The following NNMT variants were observed in gnomAD, a reference collection of about 807,000 sequenced individuals.
NNMT encodes the protein nicotinamide N-methyltransferase.
Under a neutral mutation model 11.7 loss-of-function variants are expected in NNMT, and 10 were observed. That is an observed-to-expected ratio of 0.85 (90% confidence interval 0.53 to 1.45). The LOEUF is 1.45. NNMT is among the 40% of genes most tolerant of loss of function. NNMT has a pLI of 0.00. For missense variants in NNMT, 381 were observed against 319.4 expected (o/e 1.19, Z -1.47); for synonymous variants, 143 against 133.8 (o/e 1.07, Z -0.48).
chr11:114,258,426 G>A (rs1246874253), intron 1 of NNMT, among the ~76,000 whole-genome samples: 1 of 152,214 alleles, frequency 6.6e-6, no homozygotes, highest in African/African-American at 2.4e-5. Flanking sequence ...TGCAGCCCGT[G>A]AGAAGAGGCA....
chr11:114,298,122 C>T lies in NNMT; in HGVS notation c.326C>T (p.Pro109Leu). The change falls in exon 2 of 3, where the codon CCA becomes CTA. Residue 109 changes from proline (P) to leucine (L), a missense_variant. By Grantham distance (98) the Pro-to-Leu change is moderately conservative. Transcript: ENST00000299964. ...KKEPEAFDWS[P>L]VVTYVCDLEG... ...GAGCCAGAGGCCTTTGACTGGTCCCCAGTGGTGACCTATGTGTGTGATCTT... is the reference window on the plus strand; with the variant it reads ...GAGCCAGAGGCCTTTGACTGGTCCCTAGTGGTGACCTATGTGTGTGATCTT... 6.2e-7 allele frequency: 1 copy of T among 1,614,126 alleles called. No homozygotes were observed. The highest frequency in any genetic ancestry group is 8.5e-7 in the Non-Finnish European group (1 of 1,180,018).
chr11:114,309,852 A>T (rs944676973), intron 2 of NNMT, among the ~76,000 whole-genome samples: 3 of 152,196 alleles, frequency 2.0e-5, no homozygotes, highest in Non-Finnish European at 4.4e-5. Context: ...CCTTTTCTGG[A>T]CATTTCATAT....
At chr11:114,299,224 T>G (rs1247514975) in intron 2 of NNMT, among the ~76,000 whole-genome samples, 2 of 152,252 alleles carry the variant, frequency 1.3e-5, no homozygotes, top group African/African-American at 4.8e-5. Context: ...ATAAAAAATG[T>G]TCAATGATTT....
chr11:114,292,293 A>T (rs921871292), upstream of NNMT, among the ~76,000 whole-genome samples: 9 of 152,226 alleles, frequency 5.9e-5, no homozygotes, highest in African/African-American at 1.9e-4. Flanking sequence ...AGTTAGCCAG[A>T]CATATTACTG....
At chr11:114,299,461 A>G (rs991786859) in intron 2 of NNMT, among the ~76,000 whole-genome samples, 1 of 152,234 alleles carries the variant, frequency 6.6e-6, no homozygotes, top group Non-Finnish European at 1.5e-5. Context: ...GTCATGAAGT[A>G]TAATTGAGCT....
chr11:114,259,288 C>A (rs1222301135), intron 1 of NNMT, among the ~76,000 whole-genome samples: 1 of 150,240 alleles, frequency 6.7e-6, no homozygotes, highest in Non-Finnish European at 1.5e-5. Context: ...GAAGGAGGAA[C>A]ATCACATGCC....
intron 2 of NNMT, among the ~76,000 whole-genome samples, chr11:114,273,012 C>T (rs577888887): frequency 2.2e-4 from 33 of 152,268 alleles, no homozygotes; most frequent in African/African-American, 7.2e-4. Context: ...GTTCAATAGC[C>T]TGTGTTTCTG....
At chr11:114,288,284 T>G (rs1945312481) in intron 2 of NNMT, among the ~76,000 whole-genome samples, 1 of 152,200 alleles carries the variant, frequency 6.6e-6, no homozygotes, top group Non-Finnish European at 1.5e-5. Flanking sequence ...TTGTCTCTGT[T>G]CAACTTGAAA....
At chr11:114,304,734 GGGGAGGCTGA>G (rs1945473173) in intron 2 of NNMT, among the ~76,000 whole-genome samples, 1 of 152,116 alleles carries the variant, frequency 6.6e-6, no homozygotes, top group African/African-American at 2.4e-5. Flanking sequence ...CCCAGCTACT[GGGGAGGCTGA>G]GGAGAGAGGA....
At chr11:114,268,116 C>T (rs1001436498) in intron 2 of NNMT, among the ~76,000 whole-genome samples, 2 of 152,208 alleles carry the variant, frequency 1.3e-5, no homozygotes, top group Admixed American at 6.5e-5. Context: ...TCTGAAGAGA[C>T]CTTATGGAGC....
chr11:114,306,437 G>A (rs561201864), intron 2 of NNMT, among the ~76,000 whole-genome samples: 1 of 152,182 alleles, frequency 6.6e-6, no homozygotes, highest in Non-Finnish European at 1.5e-5. Context: ...CCTATGGCCT[G>A]AATGGTATTC....
chr11:114,283,021 G>A (rs1945272985), intron 2 of NNMT, among the ~76,000 whole-genome samples: 1 of 152,174 alleles, frequency 6.6e-6, no homozygotes, highest in East Asian at 1.9e-4. Context: ...AAAATTGATG[G>A]TAGGGATGGG....
intron 2 of NNMT, among the ~76,000 whole-genome samples, chr11:114,307,343 C>G (rs1194678673): frequency 6.6e-6 from 1 of 152,134 alleles, no homozygotes; most frequent in Non-Finnish European, 1.5e-5. Flanking sequence ...ACCTGGAAGT[C>G]AATTTGTCCT....
intron 2 of NNMT, among the ~76,000 whole-genome samples, chr11:114,272,491 C>A (rs924678539): frequency 6.6e-6 from 1 of 152,186 alleles, no homozygotes; most frequent in Admixed American, 6.5e-5. Context: ...GTGTGTGGAA[C>A]TGCCCTAAGG....
Position 114,276,994 on chromosome 11 carries a change from C to T in NNMT, c.-130+14060C>T, listed in dbSNP as rs1386197534. Among the ~76,000 whole-genome samples, 8 of 152,262 alleles carry T rather than the reference C, an allele frequency of 5.3e-5. No homozygotes were observed. In the East Asian group the frequency reaches 5.8e-4, roughly 11 times the overall value. On this transcript the variant is annotated intron_variant, in intron 2 of 4. Transcript: ENST00000535401. Reference sequence around the variant, plus strand: ...ATCCCAACACTTTGAGAGGCTGAGGCGGGTGGATCACCTGAGATCAAGAGT... The same window carrying T: ...ATCCCAACACTTTGAGAGGCTGAGGTGGGTGGATCACCTGAGATCAAGAGT...
At chr11:114,289,647 G>A (rs184125601) in intron 2 of NNMT, among the ~76,000 whole-genome samples, 21 of 152,252 alleles carry the variant, frequency 1.4e-4, no homozygotes, top group Non-Finnish European at 2.6e-4. Flanking sequence ...AAACAAATAA[G>A]GGTGTTTTAG....
chr11:114,299,368 T>C (rs1416544179), intron 2 of NNMT, among the ~76,000 whole-genome samples: 1 of 152,246 alleles, frequency 6.6e-6, no homozygotes, highest in African/African-American at 2.4e-5. Context: ...TAAGATGGTC[T>C]TATGATTTTC....
At chr11:114,277,121 G>A (rs1945219243) in intron 2 of NNMT, among the ~76,000 whole-genome samples, 1 of 152,168 alleles carries the variant, frequency 6.6e-6, no homozygotes, top group Admixed American at 6.5e-5. Context: ...TACTCGGGAG[G>A]CTGAAGCAGG....
upstream of NNMT, among the ~76,000 whole-genome samples, chr11:114,295,047 C>T (rs547113193): frequency 6.6e-6 from 1 of 152,280 alleles, no homozygotes; most frequent in African/African-American, 2.4e-5. Flanking sequence ...CAGGAATTGA[C>T]GTCAGAGGCA....
Sources: allele counts gnomAD v4.1 joint callset (sites outside exome capture counted in the v4.1 genomes callset), GRCh38; gene constraint gnomAD v4.1.1; transcripts MANE v1.5; gene names NCBI Gene and HGNC (gene_info 2026-07-23, HGNC 2026-07-21).